Variants in KIAA1549L observed in about 807,000 individuals in gnomAD.
KIAA1549L encodes KIAA1549 like, also known as UPF0606 protein KIAA1549L.
KIAA1549L carries 88 observed loss-of-function variants against 160.7 expected under a neutral mutation model. The ratio of observed to expected loss-of-function variants is 0.55; its 90% confidence interval spans 0.46 to 0.65. The LOEUF (loss-of-function observed/expected upper bound fraction) is 0.65. Ranked by LOEUF, KIAA1549L falls within the 30% of genes least tolerant of loss-of-function variation. The probability of loss-of-function intolerance (pLI) is 0.00; values close to 1 mark genes in which losing one functional copy is unlikely to be tolerated. For missense variants in KIAA1549L, 2,258 were observed against 2,437.5 expected (o/e 0.93, Z 1.55); for synonymous variants, 950 against 976.7 (o/e 0.97, Z 0.51).
At chr11:33,541,708 G>T in intron 1 of KIAA1549L, 94 bp from the exon 2 acceptor site, 1 of 170,140 alleles carries the variant, frequency 5.9e-6, no homozygotes, top group Non-Finnish European at 1.3e-5. Context: ...TCCGGGCAGA[G>T]CCTGTCTTGC....
intron 1 of KIAA1549L, among the ~76,000 whole-genome samples, chr11:33,503,343 G>A (rs1473103258): frequency 1.3e-5 from 2 of 152,176 alleles, no homozygotes; most frequent in African/African-American, 4.8e-5. Flanking sequence ...CTGGCAATGA[G>A]CATTTGAGTG....
At chr11:33,423,294 A>G (rs1851056214) in intron 1 of KIAA1549L, among the ~76,000 whole-genome samples, 2 of 152,218 alleles carry the variant, frequency 1.3e-5, no homozygotes, top group Non-Finnish European at 2.9e-5. Context: ...AATTGAGGCA[A>G]GAACACACAT....
At chr11:33,380,104 G>A (rs569685566) in intron 1 of KIAA1549L, among the ~76,000 whole-genome samples, 1 of 152,298 alleles carries the variant, frequency 6.6e-6, no homozygotes, top group East Asian at 1.9e-4. Context: ...CAGAGCACAG[G>A]GCGCTGTGGG....
At chr11:33,474,387 T>A (rs1852242069) in intron 1 of KIAA1549L, among the ~76,000 whole-genome samples, 1 of 152,264 alleles carries the variant, frequency 6.6e-6, no homozygotes, top group Non-Finnish European at 1.5e-5. Context: ...TTTAGTTATA[T>A]AACCTTTCCC....
intron 9 of KIAA1549L, among the ~76,000 whole-genome samples, chr11:33,571,600 C>T (rs1376761935): frequency 6.6e-6 from 1 of 151,958 alleles, no homozygotes; most frequent in Non-Finnish European, 1.5e-5. Flanking sequence ...GGAGTAGAAG[C>T]AAGAAAGAGG....
At chr11:33,609,592 T>C (rs1850592761) in intron 14 of KIAA1549L, among the ~76,000 whole-genome samples, 157 bp from the exon 15 acceptor site, 1 of 152,184 alleles carries the variant, frequency 6.6e-6, no homozygotes, top group African/African-American at 2.4e-5. Context: ...TGTTGTGGGC[T>C]TGTCTCAGAA....
rs533161157 is a variant in KIAA1549L, at chr11:33,580,410, C to T, written c.4403-2928C>T. 5.9e-5 allele frequency among the ~76,000 whole-genome samples: 9 copies of T among 151,846 alleles called. 1 individual carries two copies. The highest frequency in any genetic ancestry group is 1.3e-4 in the Admixed American group (2 of 15,266). On this transcript the variant is annotated intron_variant, in intron 10 of 20. Coordinates refer to ENST00000658780, the MANE Select transcript of KIAA1549L (RefSeq NM_012194.3). ...CTAACACGGAGAAACCCCGTCTCTA[C>T]TAAAAATAAAAAAATTAGCTGGGCA...
intron 1 of KIAA1549L, among the ~76,000 whole-genome samples, chr11:33,508,684 C>T (rs1433910242): frequency 6.6e-6 from 1 of 152,214 alleles, no homozygotes; most frequent in Non-Finnish European, 1.5e-5. Context: ...ATTCATTAAT[C>T]ATGACACATC....
intron 16 of KIAA1549L, among the ~76,000 whole-genome samples, chr11:33,628,241 G>C (rs1207384813): frequency 1.1e-3 from 161 of 152,054 alleles, no homozygotes; most frequent in African/African-American, 3.3e-3. Flanking sequence ...TGGTGTGGTG[G>C]TGAAAAAAAT....
Position 33,542,336 on chromosome 11 carries a change from C to T in KIAA1549L, c.773C>T (p.Ser258Phe). 1.3e-6 allele frequency: 1 copy of T among 741,698 alleles called. No homozygotes were observed. The highest frequency in any genetic ancestry group is 2.2e-6 in the Non-Finnish European group (1 of 446,844). The allele number at this position is 741,698 out of a possible 1,614,324, so 45.9% of individuals were successfully genotyped here. The change falls in exon 2 of 21, where the codon TCC becomes TTC. Residue 258 changes from serine to phenylalanine, a missense_variant. By Grantham distance (155) the Ser-to-Phe change is radical (BLOSUM62 -2). This residue lies in a region of KIAA1549L where 540 missense variants were observed against 465.7 expected (regional missense o/e 1.16). Coordinates refer to ENST00000658780, the MANE Select transcript of KIAA1549L (RefSeq NM_012194.3). ...SSSLAPDSPH[S>F]IISEPAEQSP... is the part of the protein sequence containing the mutation. ...TCATTGGCTCCTGACTCACCTCATTCCATCATCTCTGAGCCAGCAGAGCAA... is the reference window on the plus strand; with the variant it reads ...TCATTGGCTCCTGACTCACCTCATTTCATCATCTCTGAGCCAGCAGAGCAA...
At position 33,542,422 on chromosome 11, in the gene KIAA1549L, A is replaced by G. The variant is rs572428675; in HGVS notation, c.859A>G (p.Ile287Val). 6.4e-7 allele frequency: 1 copy of G among 1,571,240 alleles called. No homozygotes were observed. Among genetic ancestry groups the G allele is most frequent in the East Asian group, 2.2e-5 (1 of 44,550 alleles). ...APADPSLGQN[I>V]ANPLIPFSDE... is the part of the protein sequence containing the mutation. Reference sequence around the variant, plus strand: ...AGCCGACCCCTCTTTAGGTCAGAACATAGCTAATCCCTTAATCCCATTTTC... The same window carrying G: ...AGCCGACCCCTCTTTAGGTCAGAACGTAGCTAATCCCTTAATCCCATTTTC... The change falls in exon 2 of 21, where the codon ATA becomes GTA. Residue 287 changes from isoleucine to valine, a missense_variant. Transcript: ENST00000658780.
chr11:33,383,938 C>T (rs894947641), intron 1 of KIAA1549L, among the ~76,000 whole-genome samples: 1 of 152,206 alleles, frequency 6.6e-6, no homozygotes, highest in African/African-American at 2.4e-5. Flanking sequence ...CACTCATCAG[C>T]CACCATCTTT....
intron 1 of KIAA1549L, among the ~76,000 whole-genome samples, chr11:33,437,536 A>T (rs1419616419): frequency 6.6e-6 from 1 of 152,160 alleles, no homozygotes; most frequent in Non-Finnish European, 1.5e-5. Flanking sequence ...CTTTCTGAAC[A>T]TTTATTCATT....
At chr11:33,590,337 C>T (rs995039459) in intron 11 of KIAA1549L, among the ~76,000 whole-genome samples, 2 of 152,312 alleles carry the variant, frequency 1.3e-5, no homozygotes, top group East Asian at 3.9e-4. Flanking sequence ...CCCAAGCAAT[C>T]TGCTTTTGAA....
In KIAA1549L at chr11:33,512,975, A is replaced by G. The variant is rs1190638674; in HGVS notation, c.239-28827A>G. ...GAGAAAAATTGCACAGGGTTGAGAA[A>G]TCTGAGAGCCTGTAACCTTTGGCGG... On this transcript the variant is annotated intron_variant, in intron 1 of 20. Transcript: ENST00000658780. 4.6e-5 allele frequency among the ~76,000 whole-genome samples: 7 copies of G among 152,172 alleles called. No individual in the cohort carries two copies. The East Asian group carries it at 1.3e-3, about 29-fold the overall frequency.
At chr11:33,633,460 G>T (rs1851357064) in intron 16 of KIAA1549L, among the ~76,000 whole-genome samples, 1 of 152,088 alleles carries the variant, frequency 6.6e-6, no homozygotes, top group African/African-American at 2.4e-5. Flanking sequence ...CATCCGTCTG[G>T]TTTTTTCAAG....
chr11:33,432,035 C>T (rs1163668111), intron 1 of KIAA1549L, among the ~76,000 whole-genome samples: 5 of 152,222 alleles, frequency 3.3e-5, no homozygotes, highest in African/African-American at 1.2e-4. Flanking sequence ...CCGGCTGCTC[C>T]GAGTGCGGGG....
At chr11:33,585,881 T>C (rs1305923154) in intron 11 of KIAA1549L, among the ~76,000 whole-genome samples, 1 of 152,254 alleles carries the variant, frequency 6.6e-6, no homozygotes, top group Non-Finnish European at 1.5e-5. Flanking sequence ...CAAGCAAATT[T>C]ATGTTCCATG....
chr11:33,567,950 C>G, intron 8 of KIAA1549L, 126 bp from the exon 9 acceptor site: 1 of 951,034 alleles, frequency 1.1e-6, no homozygotes, highest in Non-Finnish European at 1.5e-6. Context: ...TAAGGTTGGC[C>G]AAGCCCTAAC....
Sources: allele counts gnomAD v4.1 joint callset (sites outside exome capture counted in the v4.1 genomes callset), GRCh38; gene constraint gnomAD v4.1.1; regional missense constraint gnomAD v4.1.1; transcripts MANE v1.5; gene names NCBI Gene and HGNC (gene_info 2026-07-23, HGNC 2026-07-21).